GAREM1: variants seen among roughly 807,000 people sequenced by gnomAD.
GAREM1 encodes GRB2-associated and regulator of MAPK protein 1.
In GAREM1, 26 loss-of-function variants were observed where a neutral mutation model predicts 71.3. That is an observed-to-expected ratio of 0.36 (90% CI 0.27 to 0.51). The LOEUF (loss-of-function observed/expected upper bound fraction) is 0.51. Among genes scored for constraint, GAREM1 ranks in the 20% least tolerant of loss-of-function variants. The pLI is 0.95. For missense variants in GAREM1, 1,026 were observed against 1,103.1 expected, an observed-to-expected ratio of 0.93 and a Z score of 0.99; for synonymous variants, 440 against 433.2, an observed-to-expected ratio of 1.02 and a Z score of -0.20.
At position 32,270,429 on chromosome 18, in the gene GAREM1, C is replaced by T. The variant is rs115104606; in HGVS notation, c.1567-46G>A. ...CCAGGTTAGCAACAGACTGACAATG[C>T]CACGGGGCGCCAGCTCAATCCTGAA... On this transcript the variant is annotated intron_variant, in intron 4 of 5. Transcript: ENST00000269209. 1.5e-3 allele frequency: 2,332 copies of T among 1,517,806 alleles called. 40 individuals are homozygous for T. The African/African-American group carries it at 0.029, about 19-fold the overall frequency. The allele number at this position is 1,517,806 out of a possible 1,614,324, so 94.0% of individuals were successfully genotyped here.
In GAREM1 at chr18:32,370,142, C is replaced by T. The variant is rs78102494; in HGVS notation, c.262+22753G>A. 7.9e-4 allele frequency among the ~76,000 whole-genome samples: 120 copies of T among 152,250 alleles called. 1 individual carries two copies. In the East Asian group the frequency reaches 0.018, roughly 23 times the overall value. ...ATTCATATCAACATGCTTTAAAAAG[C>T]GTAAGGTGGGCCGGGTGCGGTGGCT... On this transcript the variant is annotated intron_variant, in intron 2 of 5. Transcript: ENST00000269209.
At chr18:32,376,016 T>C (rs1471659392) in intron 2 of GAREM1, among the ~76,000 whole-genome samples, 1 of 152,222 alleles carries the variant, frequency 6.6e-6, no homozygotes. Flanking sequence ...GCAATAATCT[T>C]GTGAACATTT....
intron 3 of GAREM1, among the ~76,000 whole-genome samples, chr18:32,288,789 T>C (rs2047052231): frequency 6.6e-6 from 1 of 152,182 alleles, no homozygotes; most frequent in African/African-American, 2.4e-5. Flanking sequence ...ATCTCAGAGA[T>C]ACAAATAGAT....
At chr18:32,387,433 G>C (rs1056554019) in intron 2 of GAREM1, among the ~76,000 whole-genome samples, 10 of 152,160 alleles carry the variant, frequency 6.6e-5, no homozygotes, top group African/African-American at 2.4e-4. Flanking sequence ...CATTTCGTAG[G>C]AAAGGTTTGC....
intron 2 of GAREM1, among the ~76,000 whole-genome samples, chr18:32,390,777 A>G (rs977201555): frequency 6.6e-6 from 1 of 152,192 alleles, no homozygotes; most frequent in Non-Finnish European, 1.5e-5. Flanking sequence ...TCATTCTAGA[A>G]CAATGGGTTC....
At chr18:32,368,217 G>T (rs566596982) in intron 2 of GAREM1, among the ~76,000 whole-genome samples, 83 of 152,152 alleles carry the variant, frequency 5.5e-4, no homozygotes, top group African/African-American at 1.7e-3. Context: ...TTTGACTTAT[G>T]CTGGAACTTG....
intron 1 of GAREM1, among the ~76,000 whole-genome samples, chr18:32,458,800 T>C (rs1316996662): frequency 6.6e-6 from 1 of 152,072 alleles, no homozygotes; most frequent in East Asian, 1.9e-4. Flanking sequence ...AACTATGATA[T>C]TCAATGATAT....
intron 2 of GAREM1, among the ~76,000 whole-genome samples, chr18:32,354,690 G>T (rs75544965): frequency 6.6e-6 from 1 of 152,124 alleles, no homozygotes; most frequent in South Asian, 2.1e-4. Context: ...ACATGGCCCG[G>T]GGAGGAAAAG....
At chr18:32,462,267 T>C (rs1208253901) in intron 1 of GAREM1, among the ~76,000 whole-genome samples, 1 of 152,238 alleles carries the variant, frequency 6.6e-6, no homozygotes, top group Non-Finnish European at 1.5e-5. Context: ...AAAGGTTCCC[T>C]TTTCTCCACA....
At chr18:32,348,911 A>C (rs926350092) in intron 2 of GAREM1, among the ~76,000 whole-genome samples, 16 of 152,188 alleles carry the variant, frequency 1.1e-4, no homozygotes, top group Admixed American at 7.2e-4. Context: ...AATCCATATA[A>C]ACACATCCAT....
At chr18:32,400,395 A>C (rs1451653709) in intron 1 of GAREM1, among the ~76,000 whole-genome samples, 1 of 152,210 alleles carries the variant, frequency 6.6e-6, no homozygotes, top group Admixed American at 6.5e-5. Context: ...CAACCTACAG[A>C]ATGGGAGAAA....
At chr18:32,399,662 G>A (rs996636442) in intron 1 of GAREM1, among the ~76,000 whole-genome samples, 4 of 152,120 alleles carry the variant, frequency 2.6e-5, no homozygotes, top group South Asian at 4.1e-4. Flanking sequence ...ACTGCTCAAC[G>A]AAATAAAACA....
intron 1 of GAREM1, among the ~76,000 whole-genome samples, chr18:32,427,186 A>G (rs1376074808): frequency 1.3e-5 from 2 of 152,218 alleles, no homozygotes; most frequent in African/African-American, 4.8e-5. Context: ...TATCAAATGA[A>G]CTAAGATAGG....
chr18:32,399,973 A>G (rs1489942078), intron 1 of GAREM1, among the ~76,000 whole-genome samples: 1 of 152,312 alleles, frequency 6.6e-6, no homozygotes, highest in East Asian at 1.9e-4. Flanking sequence ...ACCAAAACAG[A>G]GATATAGACC....
intron 2 of GAREM1, among the ~76,000 whole-genome samples, chr18:32,356,711 A>C (rs2047810054): frequency 6.6e-6 from 1 of 152,218 alleles, no homozygotes; most frequent in South Asian, 2.1e-4. Flanking sequence ...TCTGAGACTC[A>C]GTGGAATTAA....
chr18:32,375,722 T>A (rs2048024796), intron 2 of GAREM1, among the ~76,000 whole-genome samples: 1 of 152,158 alleles, frequency 6.6e-6, no homozygotes, highest in South Asian at 2.1e-4. Context: ...ATTGAATAAA[T>A]TATAAAAGAC....
chr18:32,411,729 T>C (rs899715114), intron 1 of GAREM1, among the ~76,000 whole-genome samples: 3 of 152,126 alleles, frequency 2.0e-5, no homozygotes, highest in African/African-American at 7.2e-5. Flanking sequence ...ACACCAAGGT[T>C]TCCGAAGACA....
chr18:32,348,119 C>T (rs2047713505), intron 2 of GAREM1, among the ~76,000 whole-genome samples: 1 of 152,096 alleles, frequency 6.6e-6, no homozygotes, highest in South Asian at 2.1e-4. Context: ...TAAAAATTAT[C>T]AAAAGGATAC....
At chr18:32,432,512 T>G (rs923320904) in intron 1 of GAREM1, among the ~76,000 whole-genome samples, 4 of 152,084 alleles carry the variant, frequency 2.6e-5, no homozygotes, top group Non-Finnish European at 5.9e-5. Context: ...TCTAAAGATC[T>G]TTCTCTGAAA....
Sources: allele counts gnomAD v4.1 joint callset (sites outside exome capture counted in the v4.1 genomes callset), GRCh38; gene constraint gnomAD v4.1.1; transcripts MANE v1.5; gene names NCBI Gene and HGNC (gene_info 2026-07-23, HGNC 2026-07-21).